GRIP1: variants seen among roughly 807,000 people sequenced by gnomAD.
GRIP1 encodes the protein glutamate receptor interacting protein 1.
A neutral mutation model predicts 129.9 loss-of-function variants in GRIP1; 45 were observed. That is an observed-to-expected ratio of 0.35 (90% CI 0.27 to 0.44). The LOEUF is 0.44. Among genes scored for constraint, GRIP1 ranks in the 20% least tolerant of loss-of-function variants. The pLI, the probability that GRIP1 is intolerant of heterozygous loss-of-function variation, is 1.00. For synonymous variants in GRIP1, 530 were observed against 520.8 expected (o/e 1.02, Z -0.24); for missense variants, 1,196 against 1,396.8 (o/e 0.86, Z 2.29).
At chr12:67,068,220 G>A (rs1489737536) in intron 1 of GRIP1, among the ~76,000 whole-genome samples, 1 of 152,150 alleles carries the variant, frequency 6.6e-6, no homozygotes, top group East Asian at 1.9e-4. Context: ...CCTTGAAGGT[G>A]CAAAAGGCCT....
At chr12:66,352,855 C>T (rs958698628) in intron 24 of GRIP1, among the ~76,000 whole-genome samples, 1 of 151,946 alleles carries the variant, frequency 6.6e-6, no homozygotes, top group East Asian at 1.9e-4. Flanking sequence ...ATCCCAGCTA[C>T]TTGGGAGGCC....
upstream of GRIP1, among the ~76,000 whole-genome samples, chr12:66,682,427 T>C (rs1408700345): frequency 6.6e-6 from 1 of 152,120 alleles, no homozygotes; most frequent in Admixed American, 6.5e-5. Context: ...ATTTGGAATA[T>C]CACCTCCATT....
intron 1 of GRIP1, among the ~76,000 whole-genome samples, chr12:66,779,497 T>G (rs533198837): frequency 6.6e-6 from 1 of 152,236 alleles, no homozygotes; most frequent in Admixed American, 6.5e-5. Flanking sequence ...ATATTCCTCA[T>G]GAATGTCACA....
At chr12:66,727,668 C>T (rs2036298451) in intron 1 of GRIP1, among the ~76,000 whole-genome samples, 1 of 152,104 alleles carries the variant, frequency 6.6e-6, no homozygotes, top group South Asian at 2.1e-4. Context: ...TTTTATTTTA[C>T]TTTTTTTCAA....
intron 5 of GRIP1, 42 bp from the exon 6 acceptor site, chr12:66,518,018 T>C (rs762517891): frequency 1.0e-5 from 11 of 1,085,626 alleles, no homozygotes; most frequent in Non-Finnish European, 1.6e-5. Context: ...GCTTTCATTG[T>C]TGGCATTTAA....
intron 1 of GRIP1, among the ~76,000 whole-genome samples, chr12:66,741,554 A>T (rs1245376117): frequency 1.3e-5 from 2 of 152,232 alleles, no homozygotes; most frequent in African/African-American, 2.4e-5. Context: ...ATGTAATTTT[A>T]AATTTTCTGT....
chr12:66,875,000 A>G (rs2040359346), intron 1 of GRIP1, among the ~76,000 whole-genome samples: 1 of 152,062 alleles, frequency 6.6e-6, no homozygotes, highest in South Asian at 2.1e-4. Context: ...AGTCAAACCC[A>G]TCAGAATTGG....
intron 1 of GRIP1, among the ~76,000 whole-genome samples, chr12:66,781,659 G>A (rs140187949): frequency 1.1e-4 from 16 of 152,220 alleles, no homozygotes; most frequent in African/African-American, 3.9e-4. Flanking sequence ...AAGAACAATA[G>A]GTATGAATTT....
chr12:66,419,228 T>C (rs1205757440), intron 15 of GRIP1, among the ~76,000 whole-genome samples: 1 of 152,030 alleles, frequency 6.6e-6, no homozygotes, highest in African/African-American at 2.4e-5. Context: ...CACTTATTTG[T>C]GGTATTTAAA....
chr12:66,965,828 G>A (rs1401651799), intron 1 of GRIP1, among the ~76,000 whole-genome samples: 2 of 152,112 alleles, frequency 1.3e-5, no homozygotes, highest in Non-Finnish European at 2.9e-5. Flanking sequence ...ATGAACCACA[G>A]AGGCTTCTGA....
chr12:66,401,609 T>TATATATATATATATACACACACACAC (rs1169241331), intron 16 of GRIP1, among the ~76,000 whole-genome samples: 2 of 110,192 alleles, frequency 1.8e-5, no homozygotes, highest in African/African-American at 7.5e-5. Context: ...TATATATATA[T>TATATATATATATATACACACACACAC]ACACACACAC....
intron 1 of GRIP1, among the ~76,000 whole-genome samples, chr12:66,905,549 T>C (rs2040917255): frequency 6.6e-6 from 1 of 152,218 alleles, no homozygotes. Flanking sequence ...TGAAATGAAA[T>C]ATTCTGTGTT....
At chr12:66,562,312 T>C (rs2062563283) in intron 2 of GRIP1, among the ~76,000 whole-genome samples, 1 of 152,192 alleles carries the variant, frequency 6.6e-6, no homozygotes, top group South Asian at 2.1e-4. Flanking sequence ...GTCCATATTT[T>C]CTATACGATA....
chr12:66,945,939 G>T (rs1001153706), intron 1 of GRIP1, among the ~76,000 whole-genome samples: 2 of 152,088 alleles, frequency 1.3e-5, no homozygotes, highest in South Asian at 4.2e-4. Context: ...GCTCAACACT[G>T]AGCAGCTATT....
chr12:66,507,293 C>T (rs547174994), intron 7 of GRIP1, among the ~76,000 whole-genome samples: 4 of 152,136 alleles, frequency 2.6e-5, no homozygotes, highest in Non-Finnish European at 4.4e-5. Flanking sequence ...AAAAAATTAG[C>T]CGGGCATGGT....
At chr12:66,892,562 C>A (rs1039926210) in intron 1 of GRIP1, among the ~76,000 whole-genome samples, 1 of 149,556 alleles carries the variant, frequency 6.7e-6, no homozygotes, top group East Asian at 2.0e-4. Flanking sequence ...AGGAGTCTAC[C>A]ACTCTTTTCA....
rs112648776 is a variant in GRIP1, at chr12:66,634,225, T to C, written c.56-37298A>G. ...GTTAATGTCCATAGATAAAGAAGTA[T>C]AGCAGTATGTGTTACATTTTTTTTC... On this transcript the variant is annotated intron_variant, in intron 1 of 24. Transcript: ENST00000359742. Among the ~76,000 whole-genome samples the C allele has an allele frequency of 5.7e-3, 875 of 152,332 alleles. 11 individuals carry two copies. The highest frequency in any genetic ancestry group is 0.019 in the African/African-American group (777 of 41,584).
intron 9 of GRIP1, 74 bp downstream of exon 9, chr12:66,462,850 G>T: frequency 1.9e-6 from 2 of 1,025,996 alleles, no homozygotes; most frequent in Non-Finnish European, 3.0e-6. Context: ...GTGTCTTTCT[G>T]CTGTCTAACT....
chr12:66,829,632 ATG>A (rs971411332), intron 1 of GRIP1, among the ~76,000 whole-genome samples: 23 of 152,230 alleles, frequency 1.5e-4, no homozygotes, highest in Middle Eastern at 3.4e-3. Context: ...TCCATGATGA[ATG>A]TTTTTGTCCA....
Sources: allele counts gnomAD v4.1 joint callset (sites outside exome capture counted in the v4.1 genomes callset), GRCh38; gene constraint gnomAD v4.1.1; transcripts MANE v1.5; gene names NCBI Gene and HGNC (gene_info 2026-07-23, HGNC 2026-07-21).